Variants in CLCN7 observed in about 807,000 individuals in gnomAD.
CLCN7 encodes the protein H(+)/Cl(-) exchange transporter 7.
A neutral mutation model predicts 102.1 loss-of-function variants in CLCN7; 60 were observed. That is an observed-to-expected ratio of 0.59 (90% confidence interval 0.48 to 0.73). CLCN7 has a LOEUF of 0.73. Among genes scored for constraint, CLCN7 ranks in the 30% least tolerant of loss-of-function variants. The pLI is 0.00. For synonymous variants in CLCN7, 560 were observed against 490.5 expected (o/e 1.14, Z -1.87); for missense variants, 962 against 1,125.7 (o/e 0.85, Z 2.08).
intron 19 of CLCN7, 89 bp from the exon 20 acceptor site, chr16:1,448,855 C>G: frequency 6.3e-7 from 1 of 1,597,298 alleles, no homozygotes; most frequent in Non-Finnish European, 8.5e-7. Flanking sequence ...GAGGCCGCCC[C>G]CAGAAACCCT....
intron 16 of CLCN7, 33 bp downstream of exon 16, chr16:1,451,590 C>A: frequency 6.3e-7 from 1 of 1,590,532 alleles, no homozygotes; most frequent in South Asian, 1.1e-5. Flanking sequence ...GCCCTGATCC[C>A]AGGGCCTGCC....
In CLCN7 at chr16:1,448,971, T is replaced by A; in HGVS notation, c.1792A>T (p.Ile598Phe). ...MTAKIVGDVFIEGLYDMHIQL... is the reference protein window; with the variant it reads ...MTAKIVGDVFFEGLYDMHIQL... ...GCTTCGAGGCCCTGGCGCACCTCAA[T>A]GAAGACGTCGCCCACGATCTTGGCG... The change falls in exon 19 of 25, where the codon ATT (isoleucine) becomes TTT (phenylalanine). Residue 598 changes from isoleucine (I) to phenylalanine (F), a missense_variant. By Grantham distance (21) the Ile-to-Phe change is conservative (BLOSUM62 0). Coordinates refer to ENST00000382745, the MANE Select transcript of CLCN7 (RefSeq NM_001287.6). 1 of 1,612,574 alleles carries A rather than the reference T, an allele frequency of 6.2e-7. No individual in the cohort carries two copies. Among genetic ancestry groups the A allele is most frequent in the Non-Finnish European group, 8.5e-7 (1 of 1,180,002 alleles).
chr16:1,455,549 C>A (rs1158914922), intron 11 of CLCN7, 182 bp downstream of exon 11: 3 of 747,342 alleles, frequency 4.0e-6, no homozygotes, highest in African/African-American at 3.4e-5. Flanking sequence ...GTGCCCAGGA[C>A]CAAGGGCGAA....
rs1454626974 is a variant in CLCN7, at chr16:1,450,608, G to A, written c.1506C>T (p.Cys502=). Residue 502 remains cysteine, a synonymous_variant, in exon 17 of 25, where the codon TGC becomes TGT. Transcript: ENST00000382745. The stretch of plus-strand genomic sequence containing the variant: ...CAGACACCGTGAGCCCGTAGGTCCA[G>A]CAGGCCAGGAAGAAGTAGACCAGCG... ...LFTLVYFFLA[C]WTYGLTVSAG... 6.2e-7 allele frequency: 1 copy of A among 1,612,522 alleles called. No individual in the cohort carries two copies. The highest frequency in any genetic ancestry group is 1.1e-5 in the South Asian group (1 of 90,980).
chr16:1,450,348 G>A (rs369296939), intron 17 of CLCN7, 149 bp downstream of exon 17: 45 of 819,074 alleles, frequency 5.5e-5, no homozygotes, highest in East Asian at 2.2e-4. Flanking sequence ...CCCACGGCCC[G>A]TGAACCACGC....
chr16:1,446,568 C>G lies in CLCN7; in HGVS notation c.*63G>C, dbSNP rs755846000. On this transcript the variant is annotated 3_prime_UTR_variant, in exon 25 of 25. Coordinates refer to ENST00000382745, the MANE Select transcript of CLCN7 (RefSeq NM_001287.6). Reference sequence around the variant, plus strand: ...GTTTGGGCCGAGAAACCAGTGACTCCGGGAGGAAATGCAGAAGGGCCGGGG... The same window carrying G: ...GTTTGGGCCGAGAAACCAGTGACTCGGGGAGGAAATGCAGAAGGGCCGGGG... The G allele has an allele frequency of 7.1e-7, 1 of 1,404,942 alleles. No homozygotes were observed. The highest frequency in any genetic ancestry group is 9.9e-7 in the Non-Finnish European group (1 of 1,014,812). 87.0% of individuals were successfully genotyped at this position (1,404,942 alleles called of 1,614,324 possible).
chr16:1,461,557 G>A (rs1481709305), intron 3 of CLCN7, 46 bp downstream of exon 3: 3 of 1,610,110 alleles, frequency 1.9e-6, no homozygotes, highest in South Asian at 2.2e-5. Flanking sequence ...GGCTGGCAGG[G>A]GGCAGAGGCC....
chr16:1,452,076 C>T (rs899858937), intron 15 of CLCN7: 2 of 339,074 alleles, frequency 5.9e-6, no homozygotes, highest in African/African-American at 4.3e-5. Context: ...TGTTGGCGCC[C>T]CGGTGCCACA....
chr16:1,447,187 C>T (rs902586202), intron 23 of CLCN7, 101 bp from the exon 24 acceptor site: 1 of 1,271,052 alleles, frequency 7.9e-7, no homozygotes, highest in Non-Finnish European at 1.1e-6. Context: ...GGCGTCCAGG[C>T]ACGTCCTGAG....
intron 4 of CLCN7, 149 bp from the exon 5 acceptor site, chr16:1,461,097 G>T: frequency 8.8e-7 from 1 of 1,136,014 alleles, no homozygotes; most frequent in Non-Finnish European, 1.2e-6. Context: ...ACAGTTTCTG[G>T]CCAACATCTG....
At chr16:1,471,345 G>A (rs531298489) in intron 1 of CLCN7, among the ~76,000 whole-genome samples, 2 of 152,178 alleles carry the variant, frequency 1.3e-5, no homozygotes, top group African/African-American at 4.8e-5. Context: ...ATGTTCACTG[G>A]AACAGTCCCG....
intron 17 of CLCN7, 95 bp from the exon 18 acceptor site, chr16:1,449,422 C>T: frequency 8.2e-7 from 1 of 1,217,488 alleles, no homozygotes; most frequent in Non-Finnish European, 1.2e-6. Flanking sequence ...GGCCCAGCAG[C>T]CCCACAGCCA....
chr16:1,475,016 C>T lies in CLCN7; in HGVS notation c.-42G>A. On this transcript the variant is annotated 5_prime_UTR_variant, in exon 1 of 25. Transcript: ENST00000382745. ...ACACCGGCCGGGAAGCGCCGGCTGC[C>T]CCCGTGTTTGTTCTCGTGACCCGCG... The T allele has an allele frequency of 7.1e-7, 1 of 1,411,458 alleles. No homozygotes were observed. The highest frequency in any genetic ancestry group is 9.3e-7 in the Non-Finnish European group (1 of 1,079,908). 87.4% of individuals were successfully genotyped at this position (1,411,458 alleles called of 1,614,324 possible).
chr16:1,458,834 A>G (rs1158018237), intron 7 of CLCN7, among the ~76,000 whole-genome samples: 1 of 152,234 alleles, frequency 6.6e-6, no homozygotes, highest in Non-Finnish European at 1.5e-5. Flanking sequence ...ACAGTCACAG[A>G]CGCGTCGCAC....
chr16:1,452,064 G>A (rs550512721), intron 15 of CLCN7: 4 of 347,734 alleles, frequency 1.2e-5, no homozygotes, highest in Non-Finnish European at 2.3e-5. Context: ...CCTAGAAGAG[G>A]CTGTTGGCGC....
intron 1 of CLCN7, among the ~76,000 whole-genome samples, chr16:1,466,967 C>T (rs1039643928): frequency 6.7e-6 from 1 of 148,408 alleles, no homozygotes; most frequent in Non-Finnish European, 1.5e-5. Context: ...ACCTGACCTT[C>T]CAGCCCACTG....
chr16:1,471,164 A>G (rs2142404710), intron 1 of CLCN7, among the ~76,000 whole-genome samples: 1 of 152,242 alleles, frequency 6.6e-6, no homozygotes, highest in South Asian at 2.1e-4. Flanking sequence ...CTGGGCTTTC[A>G]GCGGGCACCC....
chr16:1,448,225 G>A (rs541848452), intron 21 of CLCN7, 130 bp downstream of exon 21: 4 of 1,262,038 alleles, frequency 3.2e-6, no homozygotes, highest in Admixed American at 1.9e-5. Context: ...CTCAGCTTCC[G>A]GCACTCCTGG....
intron 16 of CLCN7, 29 bp downstream of exon 16, chr16:1,451,594 G>T: frequency 1.3e-6 from 2 of 1,594,646 alleles, no homozygotes; most frequent in Non-Finnish European, 1.7e-6. Context: ...TGATCCCAGG[G>T]CCTGCCCAGC....
Sources: allele counts gnomAD v4.1 joint callset (sites outside exome capture counted in the v4.1 genomes callset), GRCh38; gene constraint gnomAD v4.1.1; transcripts MANE v1.5; gene names NCBI Gene and HGNC (gene_info 2026-07-23, HGNC 2026-07-21).